The following TMPRSS4 variants were observed in gnomAD, a reference collection of about 807,000 sequenced individuals.
The protein encoded by TMPRSS4 is transmembrane protease serine 4.
Under a neutral mutation model 56.4 loss-of-function variants are expected in TMPRSS4, and 45 were observed. That is an observed-to-expected ratio of 0.80 (90% CI 0.63 to 1.02). TMPRSS4 has a LOEUF of 1.02. Among genes scored for constraint, TMPRSS4 ranks in the 50% least tolerant of loss-of-function variants. TMPRSS4 has a pLI of 0.00. For missense variants in TMPRSS4, 546 were observed against 556.7 expected, an observed-to-expected ratio of 0.98 and a Z score of 0.19; for synonymous variants, 205 against 211.0, an observed-to-expected ratio of 0.97 and a Z score of 0.25.
intron 5 of TMPRSS4, chr11:118,105,545 C>T (rs577918011): frequency 3.3e-5 from 5 of 152,260 alleles, no homozygotes; most frequent in South Asian, 4.1e-4. Context: ...CTAATTCTTG[C>T]GCATTAGGAG....
intron 1 of TMPRSS4, among the ~76,000 whole-genome samples, chr11:118,082,810 T>C (rs1213939918): frequency 6.6e-6 from 1 of 152,190 alleles, no homozygotes; most frequent in Non-Finnish European, 1.5e-5. Flanking sequence ...ACTAATCCTA[T>C]CTGTGGGAGG....
In TMPRSS4 at chr11:118,118,589, A is replaced by G. The variant is rs1343498551; in HGVS notation, c.*676A>G. The G allele has an allele frequency of 1.0e-6, 1 of 985,380 alleles. No individual in the cohort carries two copies. Among genetic ancestry groups the G allele is most frequent in the Non-Finnish European group, 1.2e-6 (1 of 830,006 alleles). The allele number at this position is 985,380 out of a possible 1,614,324, so 61.0% of individuals were successfully genotyped here. A position where few individuals can be genotyped will look rare whatever the true frequency, so the allele number is the denominator to read the frequency against. On this transcript the variant is annotated 3_prime_UTR_variant, in exon 13 of 13. Transcript: ENST00000437212. ...GAGGCAGGGGAAAAAAGAGTTAGGG[A>G]GACCAGATCTGCTGAGTGGCAGCAA...
intron 2 of TMPRSS4, chr11:118,095,171 C>G (rs1946218442): frequency 2.9e-6 from 1 of 344,604 alleles, no homozygotes; most frequent in Admixed American, 4.0e-5. Flanking sequence ...AGGCCCTAGG[C>G]TGGATGCTGG....
chr11:118,108,548 C>T (rs1305847865), intron 6 of TMPRSS4: 1 of 389,332 alleles, frequency 2.6e-6, no homozygotes, highest in African/African-American at 2.1e-5. Context: ...CACAGTGTCA[C>T]AGACTCTGTT....
downstream of TMPRSS4, chr11:118,125,378 G>T (rs1947868803): frequency 2.2e-6 from 1 of 455,994 alleles, no homozygotes; most frequent in Non-Finnish European, 4.4e-6. Context: ...TGGAGCTACG[G>T]TCAGCTCGGC....
intron 5 of TMPRSS4, chr11:118,107,031 C>T (rs1334562941): frequency 6.6e-6 from 1 of 152,140 alleles, no homozygotes; most frequent in African/African-American, 2.4e-5. Context: ...CCATGGAGAG[C>T]TTCTACTAAC....
chr11:118,089,964 C>G (rs1246931207), intron 1 of TMPRSS4, among the ~76,000 whole-genome samples: 2 of 152,158 alleles, frequency 1.3e-5, no homozygotes, highest in Non-Finnish European at 2.9e-5. Flanking sequence ...CCTGCCTCAG[C>G]CTTCTGAGTA....
At chr11:118,093,576 G>A (rs1244528244) in intron 1 of TMPRSS4, among the ~76,000 whole-genome samples, 1 of 152,230 alleles carries the variant, frequency 6.6e-6, no homozygotes, top group Non-Finnish European at 1.5e-5. Context: ...CACACATGAA[G>A]TGGTGTAAAT....
chr11:118,083,870 T>G (rs1229746336), intron 1 of TMPRSS4, among the ~76,000 whole-genome samples: 1 of 151,968 alleles, frequency 6.6e-6, no homozygotes, highest in Non-Finnish European at 1.5e-5. Context: ...CTGGCCAACA[T>G]GGTGAAAGTA....
chr11:118,114,986 C>A, intron 10 of TMPRSS4, 59 bp downstream of exon 10: 1 of 1,555,828 alleles, frequency 6.4e-7, no homozygotes, highest in Non-Finnish European at 8.7e-7. Flanking sequence ...GGAGCAGCTT[C>A]CAGAAGTAAT....
At chr11:118,087,133 C>A (rs979903157) in intron 1 of TMPRSS4, among the ~76,000 whole-genome samples, 1 of 152,176 alleles carries the variant, frequency 6.6e-6, no homozygotes, top group Non-Finnish European at 1.5e-5. Context: ...TCCTATGAGA[C>A]CATGGGAAGC....
At chr11:118,103,461 A>C (rs554128837) in intron 4 of TMPRSS4, among the ~76,000 whole-genome samples, 3 of 152,308 alleles carry the variant, frequency 2.0e-5, no homozygotes, top group African/African-American at 7.2e-5. Context: ...GGCTCACTGC[A>C]ACCTCTGCCT....
At chr11:118,109,018 C>A in intron 7 of TMPRSS4, 122 bp downstream of exon 7, 1 of 1,157,638 alleles carries the variant, frequency 8.6e-7, no homozygotes, top group East Asian at 2.4e-5. Context: ...GTCTACAGCC[C>A]TTGGGCTTGT....
At chr11:118,099,970 A>T (rs2135390763) in intron 3 of TMPRSS4, among the ~76,000 whole-genome samples, 1 of 152,262 alleles carries the variant, frequency 6.6e-6, no homozygotes, top group South Asian at 2.1e-4. Flanking sequence ...CCTATGATGG[A>T]GTCGTTGCCT....
chr11:118,118,466 C>T lies in TMPRSS4; in HGVS notation c.*553C>T, dbSNP rs1591417798. 9.1e-6 allele frequency: 9 copies of T among 986,226 alleles called. No individual in the cohort carries two copies. The highest frequency in any genetic ancestry group is 1.1e-5 in the Non-Finnish European group (9 of 830,536). The allele number at this position is 986,226 out of a possible 1,614,324, so 61.1% of individuals were successfully genotyped here. On this transcript the variant is annotated 3_prime_UTR_variant, in exon 13 of 13. Coordinates refer to ENST00000437212, the MANE Select transcript of TMPRSS4 (RefSeq NM_019894.4). Reference sequence around the variant, plus strand: ...GTGTAACATCTCTGGCATAGGCTAGCTGGAATGCTTGATAAGAACTGAGCT... The same window carrying T: ...GTGTAACATCTCTGGCATAGGCTAGTTGGAATGCTTGATAAGAACTGAGCT...
chr11:118,082,157 A>C lies in TMPRSS4; in HGVS notation c.3+4852A>C, dbSNP rs186752538. Among the ~76,000 whole-genome samples, 25 of 152,292 alleles carry C rather than the reference A, an allele frequency of 1.6e-4. 1 individual carries two copies. The East Asian group carries it at 4.6e-3, about 28-fold the overall frequency. ...GCGGCAGTATCACATCTCTATCCAAATGCAACAAGGGCCCCATGTTGTGCT... is the reference window on the plus strand; with the variant it reads ...GCGGCAGTATCACATCTCTATCCAACTGCAACAAGGGCCCCATGTTGTGCT... On this transcript the variant is annotated intron_variant, in intron 1 of 12. Transcript: ENST00000437212.
intron 1 of TMPRSS4, chr11:118,088,356 G>T (rs572504878): frequency 6.6e-6 from 1 of 151,814 alleles, no homozygotes; most frequent in Non-Finnish European, 1.5e-5. Flanking sequence ...AATAACTAAT[G>T]GTTCTGCCTC....
Position 118,118,360 on chromosome 11 carries a change from C to T in TMPRSS4, c.*447C>T, listed in dbSNP as rs1330876907. 1.9e-6 allele frequency: 2 copies of T among 1,025,704 alleles called. No individual in the cohort carries two copies. Among genetic ancestry groups the T allele is most frequent in the Non-Finnish European group, 2.3e-6 (2 of 856,410 alleles). 63.5% of individuals were successfully genotyped at this position (1,025,704 alleles called of 1,614,324 possible). A position where few individuals can be genotyped will look rare whatever the true frequency, so the allele number is the denominator to read the frequency against. ...AAGAAACCAGTTGTAATATAAAATG[C>T]ACTGCCCTACTGTTGGTATGACTAC... On this transcript the variant is annotated 3_prime_UTR_variant, in exon 13 of 13. Transcript: ENST00000437212.
At position 118,096,904 on chromosome 11, in the gene TMPRSS4, AAAGAAAGG is replaced by A. The variant is rs1591373805; in HGVS notation, c.43+2050_43+2057del. Among the ~76,000 whole-genome samples, 19 of 52,654 alleles carry A rather than the reference AAAGAAAGG, an allele frequency of 3.6e-4. 4 individuals carry two copies. Among genetic ancestry groups the A allele is most frequent in the South Asian group, 5.2e-4 (1 of 1,930 alleles). 34.5% of individuals were successfully genotyped at this position (52,654 alleles called of 152,430 possible). A position where few individuals can be genotyped will look rare whatever the true frequency, so the allele number is the denominator to read the frequency against. On this transcript the variant is annotated intron_variant, in intron 2 of 12. Transcript: ENST00000437212. ...GAAAGAAAGAAAGAAAGAAAGAAAGAAAGAAAGGGAGAGAGAAAGGAAAGAAAGAAAGA... is the reference window on the plus strand; with the variant it reads ...GAAAGAAAGAAAGAAAGAAAGAAAGAGAGAGAGAAAGGAAAGAAAGAAAGA...
Sources: allele counts gnomAD v4.1 joint callset (sites outside exome capture counted in the v4.1 genomes callset), GRCh38; gene constraint gnomAD v4.1.1; transcripts MANE v1.5; gene names NCBI Gene and HGNC (gene_info 2026-07-23, HGNC 2026-07-21).